The following SEL1L3 variants were observed in gnomAD, a reference collection of about 807,000 sequenced individuals.
The protein encoded by SEL1L3 is protein sel-1 homolog 3.
Under a neutral mutation model 142.8 loss-of-function variants are expected in SEL1L3, and 76 were observed. The observed-to-expected ratio is 0.53, with a 90% CI of 0.44 to 0.64. The LOEUF (loss-of-function observed/expected upper bound fraction) is 0.64, where lower values mean the gene tolerates loss of function less well. Among genes scored for constraint, SEL1L3 ranks in the 30% least tolerant of loss-of-function variants. The probability of loss-of-function intolerance (pLI) is 0.00; values close to 1 mark genes in which losing one functional copy is unlikely to be tolerated. For missense variants in SEL1L3, 1,262 were observed against 1,381.7 expected (o/e 0.91, Z 1.37); for synonymous variants, 504 against 519.6 (o/e 0.97, Z 0.41).
intron 14 of SEL1L3, 42 bp downstream of exon 14, chr4:25,784,186 G>A (rs1442516534): frequency 1.4e-6 from 2 of 1,454,744 alleles, no homozygotes; most frequent in Admixed American, 1.7e-5. Context: ...GTGTGGGAGT[G>A]TGTGGTGGAA....
chr4:25,860,804 A>G (rs1301651211), intron 1 of SEL1L3, among the ~76,000 whole-genome samples: 3 of 152,264 alleles, frequency 2.0e-5, no homozygotes, highest in East Asian at 3.9e-4. Context: ...TATTTTCCAC[A>G]TCACAGTATT....
At chr4:25,861,079 TCGGCC>T (rs1717673928) in intron 1 of SEL1L3, among the ~76,000 whole-genome samples, 2 of 152,188 alleles carry the variant, frequency 1.3e-5, no homozygotes, top group Non-Finnish European at 2.9e-5. Flanking sequence ...GTGGAACTTT[TCGGCC>T]CGGCCCATTT....
chr4:25,814,307 G>A (rs1334271833), intron 9 of SEL1L3, among the ~76,000 whole-genome samples: 4 of 152,098 alleles, frequency 2.6e-5, no homozygotes, highest in Admixed American at 2.6e-4. Flanking sequence ...TGGCTCGTAG[G>A]GGGCACTCAG....
At chr4:25,808,373 C>G (rs1279690658) in intron 9 of SEL1L3, among the ~76,000 whole-genome samples, 2 of 152,120 alleles carry the variant, frequency 1.3e-5, no homozygotes, top group Non-Finnish European at 2.9e-5. Flanking sequence ...TTGCTTTTTT[C>G]CCCTTTTTCA....
intron 23 of SEL1L3, among the ~76,000 whole-genome samples, 173 bp from the exon 24 acceptor site, chr4:25,748,737 A>G (rs1717404211): frequency 6.6e-6 from 1 of 152,202 alleles, no homozygotes; most frequent in Non-Finnish European, 1.5e-5. Flanking sequence ...AGATGCCACC[A>G]CATGCTGACA....
chr4:25,860,787 C>T (rs180831786), intron 1 of SEL1L3, among the ~76,000 whole-genome samples: 1 of 152,306 alleles, frequency 6.6e-6, no homozygotes, highest in Admixed American at 6.5e-5. Flanking sequence ...TTCATCCATG[C>T]TCTAGTTATT....
intron 9 of SEL1L3, among the ~76,000 whole-genome samples, chr4:25,817,385 A>C (rs1332833242): frequency 1.3e-5 from 2 of 152,192 alleles, no homozygotes; most frequent in Non-Finnish European, 2.9e-5. Flanking sequence ...ACCAGACCGA[A>C]CATCTCCAGC....
intron 1 of SEL1L3, among the ~76,000 whole-genome samples, chr4:25,859,358 T>C (rs143443433): frequency 8.9e-4 from 135 of 152,336 alleles, no homozygotes; most frequent in African/African-American, 3.2e-3. Flanking sequence ...TTTTCAGAAA[T>C]CTGTTTGGCA....
intron 2 of SEL1L3, among the ~76,000 whole-genome samples, chr4:25,843,895 G>C (rs191327947): frequency 1.7e-4 from 26 of 152,258 alleles, no homozygotes; most frequent in Admixed American, 1.5e-3. Context: ...CCCTCGCCTC[G>C]GGAGCCTTGG....
chr4:25,804,483 ATTGCT>A (rs1713415091), intron 10 of SEL1L3, 53 bp downstream of exon 10: 4 of 1,304,240 alleles, frequency 3.1e-6, no homozygotes, highest in Non-Finnish European at 4.4e-6. Flanking sequence ...GCACGAGAGC[ATTGCT>A]TTGCAAATAT....
chr4:25,802,168 T>C, intron 11 of SEL1L3, 115 bp downstream of exon 11: 2 of 871,096 alleles, frequency 2.3e-6, no homozygotes, highest in South Asian at 3.6e-5. Context: ...CCTCTCTCCA[T>C]TTGATTATGT....
chr4:25,728,308 C>T, the SEL1L3 span, among the ~76,000 whole-genome samples: 1 of 152,118 alleles, frequency 6.6e-6, no homozygotes, highest in Non-Finnish European at 1.5e-5. Context: ...TTTCTATTTG[C>T]AAAGTTTCCA....
chr4:25,862,508 C>T (rs1717790582), intron 1 of SEL1L3, among the ~76,000 whole-genome samples, 167 bp downstream of exon 1: 2 of 152,094 alleles, frequency 1.3e-5, no homozygotes, highest in African/African-American at 4.8e-5. Context: ...TCTCCACGCC[C>T]GGGGTACCTA....
rs1216580339 is a variant in SEL1L3, at chr4:25,844,912, GCA to G, written c.733+2380_733+2381del. Among the ~76,000 whole-genome samples the G allele has an allele frequency of 6.1e-5, 9 of 148,226 alleles. No homozygotes were observed. In the East Asian group the frequency reaches 1.9e-3, roughly 31 times the overall value. ...ACCCATCCCACCCTCCCCACTATGT[GCA>G]CACACACAGAAAGGGAATTTACTTT... On this transcript the variant is annotated intron_variant, in intron 2 of 23. Transcript: ENST00000399878.
chr4:25,722,668 G>T, the SEL1L3 span, among the ~76,000 whole-genome samples: 1 of 141,646 alleles, frequency 7.1e-6, no homozygotes, highest in African/African-American at 2.9e-5. Context: ...TATTGCCCAG[G>T]CTGGTCTCCA....
intron 2 of SEL1L3, among the ~76,000 whole-genome samples, chr4:25,843,373 G>A (rs1716297522): frequency 1.3e-5 from 2 of 152,092 alleles, no homozygotes; most frequent in South Asian, 2.1e-4. Flanking sequence ...CCAGGATGAC[G>A]GCACTCCACG....
At position 25,788,193 on chromosome 4, in the gene SEL1L3, A is replaced by G. The variant is rs1246283918; in HGVS notation, c.2217+31T>C. 6.2e-7 allele frequency: 1 copy of G among 1,609,326 alleles called. No homozygotes were observed. The highest frequency in any genetic ancestry group is 8.5e-7 in the Non-Finnish European group (1 of 1,178,234). On this transcript the variant is annotated intron_variant, in intron 13 of 23. Transcript: ENST00000399878. The surrounding 1 kb of genome is among the most constrained non-coding windows in gnomAD (Gnocchi z 5.3). ...TGCTCAGGAGTCTGATAAGAATTGC[A>G]CAATTTCAGCACGAATTAAGTGATT...
rs1206010923 is a variant in SEL1L3 at position 25,788,841 on chromosome 4, C to A, written c.2077-477G>T. 1.3e-5 allele frequency among the ~76,000 whole-genome samples: 2 copies of A among 152,154 alleles called. No individual in the cohort carries two copies. The highest frequency in any genetic ancestry group is 2.1e-4 in the South Asian group (1 of 4,820). On this transcript the variant is annotated intron_variant, in intron 12 of 23. Coordinates refer to ENST00000399878, the MANE Select transcript of SEL1L3 (RefSeq NM_015187.5). The surrounding 1 kb of genome is among the most constrained non-coding windows in gnomAD (Gnocchi z 5.3). ...CCAACATCAGACTGGAGGCTGGAAG[C>A]TCTTGGGAGGGAGGAACCTCAAGAT...
chr4:25,716,862 C>A, the SEL1L3 span, among the ~76,000 whole-genome samples: 1 of 152,144 alleles, frequency 6.6e-6, no homozygotes, highest in Non-Finnish European at 1.5e-5. Context: ...TGCGGTGGCT[C>A]ATGCCTGTAA....
Sources: allele counts gnomAD v4.1 joint callset (sites outside exome capture counted in the v4.1 genomes callset), GRCh38; gene constraint gnomAD v4.1.1; non-coding constraint Gnocchi (gnomAD v3.1); transcripts MANE v1.5; gene names NCBI Gene and HGNC (gene_info 2026-07-23, HGNC 2026-07-21).